Variants in SPC25 observed in about 807,000 individuals in gnomAD.
SPC25 encodes the protein kinetochore protein Spc25.
In SPC25, 22 loss-of-function variants were observed where a neutral mutation model predicts 29.6. The observed-to-expected ratio is 0.74, with a 90% confidence interval of 0.53 to 1.06. SPC25 has a LOEUF of 1.06. Among genes scored for constraint, SPC25 ranks in the 50% least tolerant of loss-of-function variants. SPC25 has a pLI of 0.00. For synonymous variants in SPC25, 91 were observed against 90.4 expected (o/e 1.01, Z -0.04); for missense variants, 230 against 255.8 (o/e 0.90, Z 0.69).
chr2:168,885,568 C>A (rs1357124817), intron 3 of SPC25, among the ~76,000 whole-genome samples: 1 of 152,174 alleles, frequency 6.6e-6, no homozygotes, highest in African/African-American at 2.4e-5. Flanking sequence ...ATCTGGCCAA[C>A]GAGTTCTTCC....
intron 4 of SPC25, among the ~76,000 whole-genome samples, chr2:168,861,787 A>G (rs1689467222): frequency 6.6e-6 from 1 of 152,264 alleles, no homozygotes; most frequent in South Asian, 2.1e-4. Flanking sequence ...AAAGTGCATC[A>G]TAAGTGGTTA....
In SPC25 at chr2:168,879,496, T is replaced by C. The variant is rs117442359; in HGVS notation, c.200-2112A>G. On this transcript the variant is annotated intron_variant, in intron 3 of 6. Coordinates refer to ENST00000282074, the MANE Select transcript of SPC25 (RefSeq NM_020675.4). ...GAGATGGCAGCAATTCGGTCACATC[T>C]TCAGGCTCCACTTCTAAATCTAGGT... 4.9e-3 allele frequency among the ~76,000 whole-genome samples: 751 copies of C among 152,344 alleles called. 9 individuals are homozygous for C. The East Asian group carries it at 0.053, about 11-fold the overall frequency.
downstream of SPC25, among the ~76,000 whole-genome samples, chr2:168,870,637 CA>C (rs1223872129): frequency 2.6e-5 from 4 of 151,442 alleles, no homozygotes; most frequent in African/African-American, 9.8e-5. Context: ...CAGAGAAATG[CA>C]AATCAAAACC....
intron 4 of SPC25, among the ~76,000 whole-genome samples, chr2:168,864,098 G>A (rs907670499): frequency 3.9e-5 from 6 of 151,976 alleles, no homozygotes; most frequent in Non-Finnish European, 8.8e-5. Context: ...CTCCCAAATA[G>A]CTGGGACTAC....
chr2:168,876,098 A>G lies in SPC25; in HGVS notation c.425T>C (p.Leu142Pro). 2 of 1,557,280 alleles carry G rather than the reference A, an allele frequency of 1.3e-6. No homozygotes were observed. The highest frequency in any genetic ancestry group is 1.3e-5 in the South Asian group (1 of 79,256). ...ATAAATTTTTCGAATTTCTAGTCCA[A>G]GTCGATCTTTATACAAGTCTGCAGA... Reference protein sequence around the residue: ...QKSADLYKDRLGLEIRKIYGE... With the variant: ...QKSADLYKDRPGLEIRKIYGE... The change falls in exon 5 of 7, where the codon CTT becomes CCT. Residue 142 changes from leucine to proline, a missense_variant. By Grantham distance (98) the Leu-to-Pro change is moderately conservative (BLOSUM62 -3). Transcript: ENST00000282074.
intron 4 of SPC25, among the ~76,000 whole-genome samples, chr2:168,865,669 G>T (rs1243986605): frequency 6.6e-6 from 1 of 152,148 alleles, no homozygotes; most frequent in Non-Finnish European, 1.5e-5. Context: ...AGGAAAAGAG[G>T]AAGTCAAATT....
At chr2:168,877,442 G>A in intron 3 of SPC25, 58 bp from the exon 4 acceptor site, 1 of 1,582,252 alleles carries the variant, frequency 6.3e-7, no homozygotes, top group Admixed American at 1.8e-5. Flanking sequence ...ATGTATCTAA[G>A]AAAAGGCCAA....
rs779151642 is a variant in SPC25, at chr2:168,861,935, C to G, written n.419+11650G>C. The G allele has an allele frequency of 3.7e-6, 6 of 1,607,330 alleles. No individual in the cohort carries two copies. In the South Asian group the frequency reaches 6.6e-5, roughly 18 times the overall value. ...TTCATTTGCCTGCTAACACAGCATA[C>G]TAATTACAGCTTTATCTATTTCAGC... On this transcript the variant is annotated intron_variant and non_coding_transcript_variant, in intron 4 of 4. Transcript: ENST00000479309.
At chr2:168,874,393 A>C (rs375471001) in intron 5 of SPC25, among the ~76,000 whole-genome samples, 2 of 152,194 alleles carry the variant, frequency 1.3e-5, no homozygotes, top group East Asian at 3.9e-4. Context: ...AGCTGAAAGA[A>C]TTGAAAACGG....
At chr2:168,866,636 T>TTAAAC (rs1220012335), downstream of SPC25, among the ~76,000 whole-genome samples, 3 of 152,080 alleles carry the variant, frequency 2.0e-5, no homozygotes, top group African/African-American at 4.8e-5. Context: ...TGGGATCTAA[T>TTAAAC]TAAACTAAAG....
At chr2:168,882,625 A>G (rs1451592621) in intron 3 of SPC25, among the ~76,000 whole-genome samples, 2 of 126,702 alleles carry the variant, frequency 1.6e-5, no homozygotes, top group African/African-American at 8.0e-5. Context: ...AAATAAATAA[A>G]CAGACAGACA....
chr2:168,884,141 C>G (rs1212438792), intron 3 of SPC25, among the ~76,000 whole-genome samples: 2 of 152,170 alleles, frequency 1.3e-5, no homozygotes, highest in African/African-American at 2.4e-5. Context: ...CAAACTTTCA[C>G]TCCTACACAC....
intron 3 of SPC25, 86 bp downstream of exon 3, chr2:168,889,140 A>C: frequency 8.5e-7 from 1 of 1,176,430 alleles, no homozygotes; most frequent in Admixed American, 2.3e-5. Context: ...GTGTACACAA[A>C]ATACATTGTC....
At chr2:168,864,810 A>ATTTGTCTAACTGTAT in intron 4 of SPC25, 1 of 1,613,272 alleles carries the variant, frequency 6.2e-7, no homozygotes, top group South Asian at 1.1e-5. Flanking sequence ...ACAGAGACCC[A>ATTTGTCTAACTGTAT]TTTGTCTAAC....
intron 4 of SPC25, among the ~76,000 whole-genome samples, chr2:168,864,422 AT>A (rs1689719030): frequency 6.6e-6 from 1 of 151,736 alleles, no homozygotes; most frequent in East Asian, 1.9e-4. Context: ...AGTAGCTGGT[AT>A]TACAGGCGTG....
chr2:168,888,148 T>C (rs1345933633), intron 3 of SPC25, among the ~76,000 whole-genome samples: 4 of 152,130 alleles, frequency 2.6e-5, no homozygotes, highest in Non-Finnish European at 5.9e-5. Context: ...CATGCTGGTG[T>C]GCACCAGTGG....
chr2:168,886,222 T>A (rs952633605), intron 3 of SPC25, among the ~76,000 whole-genome samples: 2 of 151,702 alleles, frequency 1.3e-5, no homozygotes, highest in Non-Finnish European at 2.9e-5. Context: ...CCTGGCTAAT[T>A]TTTCCTTAAT....
downstream of SPC25, among the ~76,000 whole-genome samples, chr2:168,867,031 TG>T (rs1348932381): frequency 2.0e-5 from 3 of 152,162 alleles, no homozygotes; most frequent in African/African-American, 7.2e-5. Flanking sequence ...TTGGTGGGAC[TG>T]TAAACTAGTT....
intron 3 of SPC25, 89 bp downstream of exon 3, chr2:168,889,137 C>T: frequency 8.8e-7 from 1 of 1,137,044 alleles, no homozygotes; most frequent in South Asian, 1.4e-5. Context: ...CTTGTGTACA[C>T]AAAATACATT....
Sources: allele counts gnomAD v4.1 joint callset (sites outside exome capture counted in the v4.1 genomes callset), GRCh38; gene constraint gnomAD v4.1.1; transcripts MANE v1.5; gene names NCBI Gene and HGNC (gene_info 2026-07-23, HGNC 2026-07-21).